Variants in MTA3 observed in about 807,000 individuals in gnomAD.
The protein encoded by MTA3 is metastasis associated 1 family member 3.
A neutral mutation model predicts 83.5 loss-of-function variants in MTA3; 34 were observed. The ratio of observed to expected loss-of-function variants is 0.41; its 90% CI spans 0.31 to 0.54. MTA3 has a LOEUF of 0.54. MTA3 is among the 20% of genes least tolerant of loss of function. The probability of loss-of-function intolerance (pLI) is 0.33; values close to 1 mark genes in which losing one functional copy is unlikely to be tolerated. For synonymous variants in MTA3, 303 were observed against 252.7 expected, an observed-to-expected ratio of 1.20 and a Z score of -1.89; for missense variants, 761 against 726.4, an observed-to-expected ratio of 1.05 and a Z score of -0.55.
chr2:42,734,033 A>G (rs902109148), intron 16 of MTA3, among the ~76,000 whole-genome samples: 10 of 152,150 alleles, frequency 6.6e-5, no homozygotes, highest in Non-Finnish European at 1.3e-4. Context: ...GTAAATATTT[A>G]TTGGGTTTGT....
chr2:42,545,570 G>A (rs1676725274), intron 2 of MTA3, among the ~76,000 whole-genome samples: 1 of 152,072 alleles, frequency 6.6e-6, no homozygotes, highest in African/African-American at 2.4e-5. Context: ...TTTCGGGGGT[G>A]GGACAGCAGA....
chr2:42,609,219 T>C (rs1040348648), intron 3 of MTA3, among the ~76,000 whole-genome samples: 4 of 151,804 alleles, frequency 2.6e-5, no homozygotes, highest in African/African-American at 7.3e-5. Flanking sequence ...TTAGTAGAGA[T>C]GGGGTTTCGC....
chr2:42,669,489 C>T (rs1165117004), intron 8 of MTA3, among the ~76,000 whole-genome samples: 1 of 152,086 alleles, frequency 6.6e-6, no homozygotes, highest in Non-Finnish European at 1.5e-5. Flanking sequence ...AACTTAAAAA[C>T]CCATGAAAAA....
chr2:42,594,728 A>ATATATATATATATATATATATATATTTTT, intron 3 of MTA3, among the ~76,000 whole-genome samples: 2 of 24,042 alleles, frequency 8.3e-5, no homozygotes. Context: ...ATATATATAT[A>ATATATATATATATATATATATATATTTTT]TTTTTTTTTT....
chr2:42,676,171 G>A (rs1046997648), intron 8 of MTA3, among the ~76,000 whole-genome samples: 3 of 152,152 alleles, frequency 2.0e-5, no homozygotes, highest in African/African-American at 7.2e-5. Context: ...GAAAGCAAAT[G>A]GTTCCTTCAG....
intron 16 of MTA3, among the ~76,000 whole-genome samples, chr2:42,740,854 C>T (rs745722833): frequency 1.3e-5 from 2 of 152,230 alleles, no homozygotes; most frequent in South Asian, 2.1e-4. Flanking sequence ...AGTAAATGAA[C>T]ACTGGCTTCA....
chr2:42,548,878 T>TATATATATATATATA (rs1676932932), intron 2 of MTA3, among the ~76,000 whole-genome samples: 402 of 10,918 alleles, frequency 0.037, 27 homozygotes, highest in African/African-American at 0.069. Context: ...ATATATATAA[T>TATATATATATATATA]ATATATATAT....
intron 8 of MTA3, among the ~76,000 whole-genome samples, chr2:42,668,737 T>C (rs989198675): frequency 6.6e-6 from 1 of 152,200 alleles, no homozygotes; most frequent in African/African-American, 2.4e-5. Context: ...TAGGCTATGA[T>C]TAACCATACC....
chr2:42,699,151 C>T (rs1195431169), intron 11 of MTA3, among the ~76,000 whole-genome samples: 1 of 152,150 alleles, frequency 6.6e-6, no homozygotes, highest in Non-Finnish European at 1.5e-5. Context: ...AAACTATAGT[C>T]GCAAGCCAAA....
intron 14 of MTA3, chr2:42,709,426 G>A: frequency 1.9e-6 from 1 of 520,254 alleles, no homozygotes; most frequent in Admixed American, 4.9e-5. Context: ...TACCTTTTAG[G>A]TAGTGCCACA....
intron 2 of MTA3, among the ~76,000 whole-genome samples, chr2:42,544,054 G>T (rs1676644587): frequency 6.6e-6 from 1 of 152,054 alleles, no homozygotes; most frequent in Non-Finnish European, 1.5e-5. Context: ...AGATGTTTAT[G>T]ACTAAGGAAG....
chr2:42,536,642 G>A (rs961808395), intron 2 of MTA3, among the ~76,000 whole-genome samples: 10 of 152,084 alleles, frequency 6.6e-5, no homozygotes, highest in Non-Finnish European at 1.2e-4. Context: ...GGCGGATCAC[G>A]AGGTCAGGAG....
chr2:42,534,010 C>G (rs1357472058), intron 2 of MTA3, among the ~76,000 whole-genome samples: 1 of 152,078 alleles, frequency 6.6e-6, no homozygotes, highest in African/African-American at 2.4e-5. Flanking sequence ...AGCGAGATCT[C>G]CTGAGGCTGG....
chr2:42,674,863 G>A (rs2104417670), intron 8 of MTA3, among the ~76,000 whole-genome samples: 1 of 151,724 alleles, frequency 6.6e-6, no homozygotes, highest in Non-Finnish European at 1.5e-5. Context: ...GCCTCCCAAA[G>A]TGCTGGGATT....
intron 2 of MTA3, among the ~76,000 whole-genome samples, chr2:42,557,721 A>T (rs968790208): frequency 6.6e-6 from 1 of 152,128 alleles, no homozygotes; most frequent in Non-Finnish European, 1.5e-5. Context: ...GCTCTCCAAC[A>T]TTTTCAGTCC....
chr2:42,561,386 A>T (rs1422556395), intron 2 of MTA3, among the ~76,000 whole-genome samples: 2 of 151,552 alleles, frequency 1.3e-5, no homozygotes, highest in Admixed American at 1.3e-4. Context: ...GCAGTGGCAC[A>T]ATCTTGGCTC....
chr2:42,731,669 A>G (rs951437010), intron 16 of MTA3, among the ~76,000 whole-genome samples: 11 of 152,198 alleles, frequency 7.2e-5, no homozygotes, highest in Admixed American at 7.2e-4. Context: ...CAGCCAAACC[A>G]TATCATTCCA....
intron 2 of MTA3, among the ~76,000 whole-genome samples, chr2:42,548,802 C>CAA (rs1362657510): frequency 0.012 from 533 of 42,772 alleles, 89 homozygotes; most frequent in Admixed American, 0.029. Context: ...GACCCTGTCT[C>CAA]AAAAAAAAAT....
intron 4 of MTA3, among the ~76,000 whole-genome samples, chr2:42,620,854 T>C (rs1207765644): frequency 6.6e-6 from 1 of 152,212 alleles, no homozygotes; most frequent in Non-Finnish European, 1.5e-5. Flanking sequence ...GCCTTTTTCT[T>C]GGAATACCAT....
Sources: allele counts gnomAD v4.1 joint callset (sites outside exome capture counted in the v4.1 genomes callset), GRCh38; gene constraint gnomAD v4.1.1; transcripts MANE v1.5; gene names NCBI Gene and HGNC (gene_info 2026-07-23, HGNC 2026-07-21).